HSF2BP: variants seen among roughly 807,000 people sequenced by gnomAD.
HSF2BP encodes the protein heat shock factor 2-binding protein.
HSF2BP carries 35 observed loss-of-function variants against 35.0 expected under a neutral mutation model. The ratio of observed to expected loss-of-function variants is 1.00; its 90% CI spans 0.76 to 1.32. The LOEUF is 1.32. HSF2BP is among the 40% of genes most tolerant of loss of function. The probability of loss-of-function intolerance (pLI) is 0.00; values close to 1 mark genes in which losing one functional copy is unlikely to be tolerated. For missense variants in HSF2BP, 326 were observed against 321.7 expected (o/e 1.01, Z -0.10); for synonymous variants, 114 against 117.4 (o/e 0.97, Z 0.18).
At chr21:43,615,833 G>A (rs2082262570) in intron 6 of HSF2BP, among the ~76,000 whole-genome samples, 1 of 151,968 alleles carries the variant, frequency 6.6e-6, no homozygotes, top group African/African-American at 2.4e-5. Context: ...AGCTTTTCAG[G>A]GGAAAGCATT....
At chr21:43,631,185 A>G (rs997901420) in intron 5 of HSF2BP, among the ~76,000 whole-genome samples, 1 of 152,216 alleles carries the variant, frequency 6.6e-6, no homozygotes, top group Admixed American at 6.5e-5. Context: ...TTTTAAAAAC[A>G]CATTTAGTCT....
chr21:43,575,838 G>A (rs2081636658), intron 8 of HSF2BP, among the ~76,000 whole-genome samples: 1 of 152,182 alleles, frequency 6.6e-6, no homozygotes, highest in South Asian at 2.1e-4. Flanking sequence ...TCAAAAGTCG[G>A]CCAGGCGCAG....
chr21:43,616,930 C>A (rs1442917777), intron 6 of HSF2BP, among the ~76,000 whole-genome samples: 21 of 144,298 alleles, frequency 1.5e-4, no homozygotes, highest in Admixed American at 2.1e-4. Context: ...GACTCCATCT[C>A]AAAAAAAAAA....
intron 7 of HSF2BP, among the ~76,000 whole-genome samples, chr21:43,605,367 AC>A (rs946800293): frequency 4.7e-5 from 5 of 106,526 alleles, no homozygotes; most frequent in Admixed American, 9.9e-5. Flanking sequence ...CACATCACCC[AC>A]CCCCCGACAC....
intron 8 of HSF2BP, among the ~76,000 whole-genome samples, chr21:43,581,062 GA>G (rs1216488859): frequency 6.6e-6 from 1 of 152,216 alleles, no homozygotes; most frequent in East Asian, 1.9e-4. Context: ...GCCCTCAAGG[GA>G]AGGAAGATGA....
chr21:43,609,547 GA>G (rs1205599690), intron 7 of HSF2BP, among the ~76,000 whole-genome samples: 1 of 152,170 alleles, frequency 6.6e-6, no homozygotes, highest in African/African-American at 2.4e-5. Flanking sequence ...AAGTGGCAGT[GA>G]AAGTGTAGTT....
chr21:43,589,925 A>G (rs1161255892), intron 8 of HSF2BP, among the ~76,000 whole-genome samples: 1 of 152,254 alleles, frequency 6.6e-6, no homozygotes, highest in Admixed American at 6.5e-5. Context: ...GCAAAACTAT[A>G]AAACTACTAG....
the HSF2BP span, among the ~76,000 whole-genome samples, chr21:43,507,214 CCT>C: frequency 7.9e-6 from 1 of 126,400 alleles, no homozygotes; most frequent in Admixed American, 7.6e-5. Context: ...CCCAATTCCC[CCT>C]GAGAAAGAGA....
intron 6 of HSF2BP, among the ~76,000 whole-genome samples, chr21:43,614,360 CTCA>C (rs2082245732): frequency 7.1e-6 from 1 of 141,010 alleles, no homozygotes; most frequent in South Asian, 2.2e-4. Flanking sequence ...AAAGCCCTGT[CTCA>C]AAAAAAAAAA....
At chr21:43,587,521 C>T (rs956209210) in intron 8 of HSF2BP, among the ~76,000 whole-genome samples, 3 of 151,834 alleles carry the variant, frequency 2.0e-5, no homozygotes, top group East Asian at 1.9e-4. Flanking sequence ...CAAAATTAGC[C>T]GGGCGTGGTG....
chr21:43,579,697 A>T (rs1357266861), intron 8 of HSF2BP, among the ~76,000 whole-genome samples: 3 of 152,090 alleles, frequency 2.0e-5, no homozygotes, highest in South Asian at 2.1e-4. Context: ...CCTGTGCTCT[A>T]TGGGAACCTT....
At position 43,614,876 on chromosome 21, in the gene HSF2BP, T is replaced by C. The variant is rs188334593; in HGVS notation, c.575-929A>G. 1.5e-3 allele frequency among the ~76,000 whole-genome samples: 230 copies of C among 152,320 alleles called. 3 individuals are homozygous for C. The highest frequency in any genetic ancestry group is 5.1e-3 in the African/African-American group (213 of 41,568). The stretch of plus-strand genomic sequence containing the variant: ...CTTTTAGCCATGATACAAACTGAAA[T>C]TATATGTAGTCAAAAAAGAGTATGA... On this transcript the variant is annotated intron_variant, in intron 6 of 8. Transcript: ENST00000291560.
chr21:43,592,176 C>T, intron 8 of HSF2BP, 49 bp downstream of exon 8: 1 of 1,247,866 alleles, frequency 8.0e-7, no homozygotes, highest in Non-Finnish European at 1.2e-6. Context: ...TAAGGGAGGA[C>T]TACTGCATAA....
intron 6 of HSF2BP, among the ~76,000 whole-genome samples, chr21:43,625,444 A>G (rs559604913): frequency 5.8e-4 from 88 of 152,332 alleles, no homozygotes; most frequent in African/African-American, 2.0e-3. Context: ...ACTGGACTAC[A>G]GAAGGATGGC....
At chr21:43,640,187 G>T (rs1016440511) in intron 4 of HSF2BP, among the ~76,000 whole-genome samples, 1 of 152,194 alleles carries the variant, frequency 6.6e-6, no homozygotes, top group Non-Finnish European at 1.5e-5. Context: ...TGTGGACCTA[G>T]CTACTTGGGA....
rs191221760 is a variant in HSF2BP, at chr21:43,612,447, T to A, written c.692+1383A>T. On this transcript the variant is annotated intron_variant, in intron 7 of 8. Transcript: ENST00000291560. ...CGGGTGGATCACGAGGTCAGGAGAT[T>A]GAGACCATCCTGGCTAACACGGTGA... 7.9e-5 allele frequency among the ~76,000 whole-genome samples: 12 copies of A among 151,964 alleles called. No homozygotes were observed. The East Asian group carries it at 2.3e-3, about 29-fold the overall frequency.
intron 6 of HSF2BP, among the ~76,000 whole-genome samples, chr21:43,623,793 G>A (rs567337247): frequency 1.3e-5 from 2 of 151,808 alleles, no homozygotes; most frequent in Non-Finnish European, 2.9e-5. Context: ...AGGTGATTCC[G>A]CAAAAAAAAG....
intron 7 of HSF2BP, among the ~76,000 whole-genome samples, chr21:43,604,604 C>T (rs1188453852): frequency 1.4e-5 from 2 of 139,932 alleles, no homozygotes; most frequent in Non-Finnish European, 3.1e-5. Flanking sequence ...ACACACATCA[C>T]ACATACCACA....
intron 4 of HSF2BP, among the ~76,000 whole-genome samples, chr21:43,634,711 A>T (rs551306646): frequency 6.6e-6 from 1 of 152,282 alleles, no homozygotes; most frequent in Non-Finnish European, 1.5e-5. Flanking sequence ...ATTTAAGAAA[A>T]AAATGGCCAC....
Sources: gnomAD v4.1 joint callset for allele counts (sites outside exome capture counted in the v4.1 genomes callset) on GRCh38, gnomAD v4.1.1 for gene constraint, MANE v1.5 for transcripts, NCBI Gene and HGNC (gene_info 2026-07-23, HGNC 2026-07-21) for gene names.